The following MYO16 variants were observed in gnomAD, a reference collection of about 807,000 sequenced individuals.
MYO16 encodes the protein myosin XVI.
MYO16 carries 94 observed loss-of-function variants against 205.3 expected under a neutral mutation model. The ratio of observed to expected loss-of-function variants is 0.46; its 90% CI spans 0.39 to 0.54. MYO16 has a LOEUF of 0.54. MYO16 is among the 20% of genes least tolerant of loss of function. The pLI is 0.00. For missense variants in MYO16, 2,315 were observed against 2,387.5 expected (o/e 0.97, Z 0.63); for synonymous variants, 988 against 954.0 (o/e 1.04, Z -0.66).
chr13:109,054,233 G>T, intron 25 of MYO16: 1 of 252,134 alleles, frequency 4.0e-6, no homozygotes, highest in Non-Finnish European at 8.2e-6. Flanking sequence ...TTCTACATAT[G>T]ATCTTTTTCT....
At chr13:108,729,389 C>T (rs538018943) in intron 4 of MYO16, among the ~76,000 whole-genome samples, 36 of 152,290 alleles carry the variant, frequency 2.4e-4, no homozygotes, top group African/African-American at 2.4e-4. Context: ...GGAGGAACTA[C>T]GTTCATAGTA....
At chr13:108,615,286 G>A (rs761525477) in intron 1 of MYO16, among the ~76,000 whole-genome samples, 6 of 151,976 alleles carry the variant, frequency 3.9e-5, no homozygotes, top group Admixed American at 6.6e-5. Flanking sequence ...AAAATAAAAC[G>A]TCAATCAGAC....
rs1886688145 is a variant in MYO16, at chr13:108,793,540, A to G, written c.641A>G (p.Gln214Arg). 6.2e-7 allele frequency: 1 copy of G among 1,613,870 alleles called. No individual in the cohort carries two copies. The highest frequency in any genetic ancestry group is 1.1e-5 in the South Asian group (1 of 91,084). The change falls in exon 6 of 35, where the codon CAG becomes CGG. Residue 214 changes from glutamine to arginine, a missense_variant. Coordinates refer to ENST00000457511, the MANE Select transcript of MYO16 (RefSeq NM_001198950.3). ...ENGVDLTSLR[Q>R]MKLQRPMSML... ...GGAGTGGATTTGACCTCACTGCGCCAGATGAAGCTTCAGAGACCAATGAGT... is the reference window on the plus strand; with the variant it reads ...GGAGTGGATTTGACCTCACTGCGCCGGATGAAGCTTCAGAGACCAATGAGT...
the MYO16 span, among the ~76,000 whole-genome samples, chr13:108,531,625 AT>A: frequency 3.8e-3 from 559 of 148,378 alleles, 7 homozygotes; most frequent in South Asian, 0.029. Context: ...ATGCTTTCTA[AT>A]TTTTTTTTTT....
At chr13:108,505,307 C>T in the MYO16 span, among the ~76,000 whole-genome samples, 1 of 152,166 alleles carries the variant, frequency 6.6e-6, no homozygotes, top group Non-Finnish European at 1.5e-5. Context: ...TCTCCATATC[C>T]TCACCAGCAC....
intron 2 of MYO16, among the ~76,000 whole-genome samples, chr13:108,677,361 A>C (rs1882273614): frequency 6.9e-6 from 1 of 144,812 alleles, no homozygotes; most frequent in African/African-American, 2.6e-5. Flanking sequence ...ATATGCATAT[A>C]TATATATATA....
chr13:108,516,815 C>G, the MYO16 span, among the ~76,000 whole-genome samples: 2 of 152,246 alleles, frequency 1.3e-5, no homozygotes, highest in East Asian at 3.9e-4. Context: ...GCAGGTTATT[C>G]AGTTTTGCTG....
chr13:109,185,161 T>C (rs1023137976), intron 34 of MYO16, among the ~76,000 whole-genome samples: 9 of 152,214 alleles, frequency 5.9e-5, no homozygotes, highest in Non-Finnish European at 1.2e-4. Context: ...TATTATTGTA[T>C]AGTGGAGGAG....
the MYO16 span, among the ~76,000 whole-genome samples, chr13:108,500,693 C>A: frequency 6.6e-6 from 1 of 152,292 alleles, no homozygotes; most frequent in East Asian, 1.9e-4. Context: ...CGGATCCAAT[C>A]TTCATCATGC....
chr13:109,148,253 T>A (rs1877449811), intron 32 of MYO16, among the ~76,000 whole-genome samples: 1 of 152,222 alleles, frequency 6.6e-6, no homozygotes, highest in Non-Finnish European at 1.5e-5. Context: ...GAAATATATA[T>A]TTTTAATGCC....
At chr13:108,592,077 T>G (rs1439356760), upstream of MYO16, among the ~76,000 whole-genome samples, 106 of 29,574 alleles carry the variant, frequency 3.6e-3, no homozygotes, top group African/African-American at 0.01. Flanking sequence ...GTGTGGGGGG[T>G]GGGGGTGGAG....
chr13:109,105,331 G>A (rs978303163), intron 28 of MYO16, among the ~76,000 whole-genome samples: 1 of 152,150 alleles, frequency 6.6e-6, no homozygotes, highest in Non-Finnish European at 1.5e-5. Context: ...AAATAGCCAG[G>A]GATGGTCGTG....
chr13:108,889,928 A>G (rs1165205232), intron 14 of MYO16, among the ~76,000 whole-genome samples: 3 of 151,638 alleles, frequency 2.0e-5, no homozygotes, highest in Non-Finnish European at 4.4e-5. Flanking sequence ...TTATTTATTT[A>G]CTATTATTGT....
chr13:108,772,843 A>T (rs1261772522), intron 4 of MYO16, among the ~76,000 whole-genome samples: 1 of 152,148 alleles, frequency 6.6e-6, no homozygotes, highest in Non-Finnish European at 1.5e-5. Context: ...AAGAAAAGGG[A>T]GGAGGAGAGA....
At chr13:108,635,674 AT>A in intron 1 of MYO16, among the ~76,000 whole-genome samples, 1 of 151,702 alleles carries the variant, frequency 6.6e-6, no homozygotes, top group East Asian at 2.0e-4. Context: ...CTAATTTTTT[AT>A]TTTTAGTAGA....
chr13:109,186,154 C>T (rs747185591), intron 34 of MYO16, among the ~76,000 whole-genome samples: 36 of 151,748 alleles, frequency 2.4e-4, no homozygotes, highest in Non-Finnish European at 3.4e-4. Flanking sequence ...CAACAGAGAC[C>T]GTGTCTCAAA....
chr13:108,753,279 A>C (rs1311388543), intron 4 of MYO16, among the ~76,000 whole-genome samples: 1 of 149,836 alleles, frequency 6.7e-6, no homozygotes, highest in Non-Finnish European at 1.5e-5. Flanking sequence ...CTGAGGCAGG[A>C]GAATCGCTTG....
intron 2 of MYO16, among the ~76,000 whole-genome samples, chr13:108,706,783 T>C (rs927142043): frequency 1.3e-5 from 2 of 152,216 alleles, no homozygotes; most frequent in South Asian, 4.1e-4. Flanking sequence ...CTTCAGGATT[T>C]AGTCAGGTCC....
intron 15 of MYO16, among the ~76,000 whole-genome samples, chr13:108,902,159 C>T (rs928860534): frequency 6.6e-6 from 1 of 152,164 alleles, no homozygotes; most frequent in Non-Finnish European, 1.5e-5. Flanking sequence ...GTCGATGTTT[C>T]CGAGAAGGAA....
Sources: allele counts gnomAD v4.1 joint callset (sites outside exome capture counted in the v4.1 genomes callset), GRCh38; gene constraint gnomAD v4.1.1; transcripts MANE v1.5; gene names NCBI Gene and HGNC (gene_info 2026-07-23, HGNC 2026-07-21).